CPEB3: variants seen among roughly 807,000 people sequenced by gnomAD.
The protein encoded by CPEB3 is cytoplasmic polyadenylation element binding protein 3.
Under a neutral mutation model 67.2 loss-of-function variants are expected in CPEB3, and 20 were observed. The observed-to-expected ratio is 0.30, with a 90% CI of 0.21 to 0.43. The LOEUF is 0.43. CPEB3 is among the 20% of genes least tolerant of loss of function. The probability of loss-of-function intolerance (pLI) is 1.00; values close to 1 mark genes in which losing one functional copy is unlikely to be tolerated. For synonymous variants in CPEB3, 376 were observed against 393.1 expected (o/e 0.96, Z 0.51); for missense variants, 746 against 968.6 (o/e 0.77, Z 3.05).
chr10:92,199,228 C>CA (rs1311021552), intron 2 of CPEB3, among the ~76,000 whole-genome samples: 1 of 151,548 alleles, frequency 6.6e-6, no homozygotes, highest in East Asian at 1.9e-4. Flanking sequence ...CTCATCTCTA[C>CA]AAAAAATCCA....
intron 4 of CPEB3, among the ~76,000 whole-genome samples, chr10:92,158,880 G>A (rs767234518): frequency 1.3e-5 from 2 of 152,168 alleles, no homozygotes; most frequent in Non-Finnish European, 2.9e-5. Flanking sequence ...ATCCTGTCAA[G>A]CGGAATGATT....
intron 4 of CPEB3, among the ~76,000 whole-genome samples, chr10:92,168,859 G>A (rs1448659127): frequency 1.4e-4 from 21 of 145,126 alleles, no homozygotes; most frequent in South Asian, 1.1e-3. Context: ...GCAATGGTGC[G>A]ATCTCAGCTC....
intron 9 of CPEB3, among the ~76,000 whole-genome samples, chr10:92,069,472 C>T (rs189015842): frequency 6.6e-6 from 1 of 151,506 alleles, no homozygotes; most frequent in Non-Finnish European, 1.5e-5. Context: ...GGTGTGATCT[C>T]GGCTCACTGC....
intron 5 of CPEB3, among the ~76,000 whole-genome samples, chr10:92,144,655 T>C (rs1846595230): frequency 6.6e-6 from 1 of 152,202 alleles, no homozygotes; most frequent in South Asian, 2.1e-4. Flanking sequence ...AACTGCACCA[T>C]CAGCTATATA....
At chr10:92,180,722 G>A (rs1362034896) in intron 4 of CPEB3, among the ~76,000 whole-genome samples, 3 of 152,042 alleles carry the variant, frequency 2.0e-5, no homozygotes, top group South Asian at 4.2e-4. Flanking sequence ...ACAGACCTCC[G>A]GGCCTCATCC....
chr10:92,269,276 C>G (rs780451857), intron 1 of CPEB3, among the ~76,000 whole-genome samples: 45 of 152,016 alleles, frequency 3.0e-4, no homozygotes, highest in Non-Finnish European at 5.0e-4. Context: ...TATCTACTAT[C>G]ATGGCAAAGT....
chr10:92,265,902 G>A (rs1853034221), intron 1 of CPEB3, among the ~76,000 whole-genome samples: 1 of 151,700 alleles, frequency 6.6e-6, no homozygotes, highest in African/African-American at 2.4e-5. Flanking sequence ...GTGGAGCCTT[G>A]AGGAGGTAAC....
intron 8 of CPEB3, among the ~76,000 whole-genome samples, chr10:92,088,110 A>G (rs1843450317): frequency 6.6e-6 from 1 of 152,222 alleles, no homozygotes; most frequent in Non-Finnish European, 1.5e-5. Context: ...TATTTGACAT[A>G]GAAAAACCCA....
intron 2 of CPEB3, among the ~76,000 whole-genome samples, chr10:92,236,088 A>C (rs1331528311): frequency 6.6e-6 from 1 of 152,184 alleles, no homozygotes; most frequent in Admixed American, 6.5e-5. Flanking sequence ...AATTCCCCCC[A>C]GTGGAGTGCC....
At chr10:92,285,447 T>C (rs968088716) in intron 1 of CPEB3, among the ~76,000 whole-genome samples, 8 of 152,128 alleles carry the variant, frequency 5.3e-5, no homozygotes, top group African/African-American at 1.9e-4. Context: ...ATGTTTGTAT[T>C]TTTAGTAGAG....
intron 9 of CPEB3, among the ~76,000 whole-genome samples, chr10:92,057,227 G>GC (rs1019076185): frequency 5.3e-5 from 8 of 152,188 alleles, no homozygotes; most frequent in Non-Finnish European, 1.0e-4. Context: ...CCAGAGGGGA[G>GC]CCTAGTGCCC....
In CPEB3 at chr10:92,239,643, C is replaced by T. The variant is rs1360838493; in HGVS notation, c.708G>A (p.Ser236=). ...GCGTGTTCCAGCTGGACGAGGCCGA[C>T]GAGGCGGCGGCTGCGGCAGCAGCGG... ...VAAAAAAAAA[S]SASSSWNTHQ... The change falls in exon 2 of 10, where the codon TCG becomes TCA. Residue 236 remains serine, a synonymous_variant. Coordinates refer to ENST00000265997, the MANE Select transcript of CPEB3 (RefSeq NM_014912.5). The surrounding 1 kb of genome is among the most constrained non-coding windows in gnomAD (Gnocchi z 6.0). The T allele has an allele frequency of 5.1e-6, 8 of 1,560,738 alleles. No homozygotes were observed. The highest frequency in any genetic ancestry group is 6.9e-6 in the Non-Finnish European group (8 of 1,153,220).
intron 2 of CPEB3, among the ~76,000 whole-genome samples, chr10:92,238,084 C>G (rs1851627168): frequency 6.6e-6 from 1 of 152,230 alleles, no homozygotes; most frequent in Admixed American, 6.5e-5. Context: ...CTATACCTCT[C>G]TCAAACTGTC....
intron 7 of CPEB3, among the ~76,000 whole-genome samples, chr10:92,104,658 T>C (rs756662698): frequency 1.3e-5 from 2 of 152,034 alleles, no homozygotes; most frequent in Non-Finnish European, 2.9e-5. Context: ...AATGCTGGGA[T>C]TATAGTCGTG....
chr10:92,057,429 A>G (rs1166241610), intron 9 of CPEB3, among the ~76,000 whole-genome samples: 1 of 152,230 alleles, frequency 6.6e-6, no homozygotes. Flanking sequence ...CTCAGTCACA[A>G]TACAATAGAA....
At chr10:92,273,977 C>T (rs948625938) in intron 1 of CPEB3, among the ~76,000 whole-genome samples, 1 of 152,178 alleles carries the variant, frequency 6.6e-6, no homozygotes, top group Non-Finnish European at 1.5e-5. Flanking sequence ...CTATAAAATT[C>T]TTCAGAAATT....
chr10:92,106,836 A>G (rs1252238682), intron 7 of CPEB3, among the ~76,000 whole-genome samples: 2 of 149,932 alleles, frequency 1.3e-5, no homozygotes, highest in South Asian at 4.2e-4. Flanking sequence ...AAAAAAAAAA[A>G]AAAAGAAAGA....
chr10:92,236,272 T>C (rs997817025), intron 2 of CPEB3, among the ~76,000 whole-genome samples: 6 of 152,164 alleles, frequency 3.9e-5, no homozygotes, highest in African/African-American at 1.4e-4. Flanking sequence ...CAAAATTAGC[T>C]AGAACTGTAG....
intron 9 of CPEB3, among the ~76,000 whole-genome samples, chr10:92,068,367 C>T (rs896223083): frequency 2.9e-4 from 44 of 152,144 alleles, no homozygotes; most frequent in Non-Finnish European, 4.4e-4. Flanking sequence ...AAATGAGTAA[C>T]TATCATGGTA....
Sources: gnomAD v4.1 joint callset for allele counts (sites outside exome capture counted in the v4.1 genomes callset) on GRCh38, gnomAD v4.1.1 for gene constraint, Gnocchi (gnomAD v3.1) non-coding constraint, MANE v1.5 for transcripts, NCBI Gene and HGNC (gene_info 2026-07-23, HGNC 2026-07-21) for gene names.